Variants in TJP2 observed in about 807,000 individuals in gnomAD.
The protein encoded by TJP2 is tight junction protein 2, also known as Friedreich ataxia region gene X104 (tight junction protein ZO-2).
TJP2 carries 91 observed loss-of-function variants against 133.1 expected under a neutral mutation model. That is an observed-to-expected ratio of 0.68 (90% CI 0.58 to 0.81). The LOEUF is 0.81. Among genes scored for constraint, TJP2 ranks in the 40% least tolerant of loss-of-function variants. The pLI is 0.00. For synonymous variants in TJP2, 592 were observed against 583.4 expected (o/e 1.01, Z -0.21); for missense variants, 1,541 against 1,565.6 (o/e 0.98, Z 0.26).
chr9:69,204,823 T>G (rs1827270958), intron 1 of TJP2: 1 of 1,085,366 alleles, frequency 9.2e-7, no homozygotes, highest in Non-Finnish European at 1.1e-6. Context: ...AGTGTCTCAT[T>G]TACTCAATTC....
At chr9:69,147,811 T>A (rs1332303405) in intron 1 of TJP2, among the ~76,000 whole-genome samples, 1 of 152,186 alleles carries the variant, frequency 6.6e-6, no homozygotes, top group African/African-American at 2.4e-5. Flanking sequence ...AGAGAGAACG[T>A]TTCCTTAAGC....
At chr9:69,225,196 A>G in intron 5 of TJP2, 108 bp from the exon 6 acceptor site, 1 of 743,208 alleles carries the variant, frequency 1.3e-6, no homozygotes, top group Non-Finnish European at 2.3e-6. Context: ...AATTTCCCAT[A>G]TACAAAATTA....
At chr9:69,132,499 G>T (rs1386087475) in intron 1 of TJP2, among the ~76,000 whole-genome samples, 1 of 152,164 alleles carries the variant, frequency 6.6e-6, no homozygotes, top group Non-Finnish European at 1.5e-5. Context: ...GGAAGGAAGT[G>T]AACTGGGGTT....
chr9:69,175,248 T>C (rs1824993975), intron 1 of TJP2, among the ~76,000 whole-genome samples: 1 of 152,166 alleles, frequency 6.6e-6, no homozygotes, highest in South Asian at 2.1e-4. Context: ...GTAATGATGG[T>C]TGTGGTTTCC....
Position 69,208,979 on chromosome 9 carries a change from C to T in TJP2, c.61-3569C>T, listed in dbSNP as rs542864537. Among the ~76,000 whole-genome samples the T allele has an allele frequency of 6.6e-4, 100 of 152,166 alleles. No homozygotes were observed. In the South Asian group the frequency reaches 0.02, roughly 31 times the overall value. Reference sequence around the variant, plus strand: ...GAGAAGATGAGCTTGGAGAAGTGGGCATGCTCATAAGGTCATTTCTGGGTG... The same window carrying T: ...GAGAAGATGAGCTTGGAGAAGTGGGTATGCTCATAAGGTCATTTCTGGGTG... On this transcript the variant is annotated intron_variant, in intron 1 of 22. Coordinates refer to ENST00000377245, the MANE Select transcript of TJP2 (RefSeq NM_004817.4).
chr9:69,209,764 CAAAA>C (rs1183422883), intron 1 of TJP2, among the ~76,000 whole-genome samples: 10 of 144,910 alleles, frequency 6.9e-5, no homozygotes, highest in Admixed American at 4.1e-4. Flanking sequence ...AAAAAAAAAA[CAAAA>C]AAACTTTTTA....
chr9:69,167,575 C>T (rs1183676522), intron 2 of TJP2, among the ~76,000 whole-genome samples: 1 of 152,242 alleles, frequency 6.6e-6, no homozygotes, highest in East Asian at 1.9e-4. Context: ...AGAATGTCTA[C>T]CTGGCCTGGT....
In TJP2 at chr9:69,225,289, G is replaced by A; in HGVS notation, c.953-15G>A. The A allele has an allele frequency of 1.9e-6, 3 of 1,538,458 alleles. No individual in the cohort carries two copies. Among genetic ancestry groups the A allele is most frequent in the Non-Finnish European group, 2.7e-6 (3 of 1,111,754 alleles). On this transcript the variant is annotated splice_polypyrimidine_tract_variant and intron_variant, in intron 5 of 22. Coordinates refer to ENST00000377245, the MANE Select transcript of TJP2 (RefSeq NM_004817.4). ...ATTGATAACATACGTGTATGTTTAT[G>A]TGTTTGTCTCCTAGAGTATGGTCTC... is the stretch of plus-strand genomic sequence containing the variant.
At chr9:69,232,956 G>A (rs1829901509) in intron 11 of TJP2, among the ~76,000 whole-genome samples, 1 of 152,132 alleles carries the variant, frequency 6.6e-6, no homozygotes, top group Non-Finnish European at 1.5e-5. Flanking sequence ...GGACTCCCAA[G>A]GTCCTCCCAC....
At chr9:69,208,224 A>G (rs1479123380) in intron 1 of TJP2, among the ~76,000 whole-genome samples, 3 of 152,184 alleles carry the variant, frequency 2.0e-5, no homozygotes, top group African/African-American at 7.2e-5. Flanking sequence ...TTCCTTTACA[A>G]TTAAGATTTT....
intron 1 of TJP2, among the ~76,000 whole-genome samples, chr9:69,129,533 A>G (rs1822397014): frequency 6.6e-6 from 1 of 152,172 alleles, no homozygotes; most frequent in Non-Finnish European, 1.5e-5. Flanking sequence ...AAACCCCGTC[A>G]ATTCTACTTA....
intron 2 of TJP2, among the ~76,000 whole-genome samples, chr9:69,162,164 A>T (rs973716042): frequency 6.7e-6 from 1 of 148,150 alleles, no homozygotes; most frequent in Non-Finnish European, 1.5e-5. Flanking sequence ...TATATATTAT[A>T]TATATACATA....
intron 1 of TJP2, among the ~76,000 whole-genome samples, chr9:69,201,604 C>T (rs1826998864): frequency 6.6e-6 from 1 of 151,980 alleles, no homozygotes; most frequent in Non-Finnish European, 1.5e-5. Flanking sequence ...TGCACTTGGT[C>T]GACATTTGTT....
At chr9:69,247,368 C>T (rs1054471238) in intron 18 of TJP2, among the ~76,000 whole-genome samples, 3 of 152,152 alleles carry the variant, frequency 2.0e-5, no homozygotes, top group Non-Finnish European at 4.4e-5. Context: ...GATTCTATTA[C>T]CTGTGGCCGC....
intron 1 of TJP2, among the ~76,000 whole-genome samples, chr9:69,128,719 G>C (rs932867088): frequency 8.6e-5 from 13 of 152,024 alleles, no homozygotes; most frequent in African/African-American, 2.9e-4. Flanking sequence ...GTAGAGACGG[G>C]GTTTCATCGT....
intron 1 of TJP2, among the ~76,000 whole-genome samples, chr9:69,122,876 A>C (rs554971748): frequency 2.0e-5 from 3 of 152,286 alleles, no homozygotes; most frequent in South Asian, 4.1e-4. Flanking sequence ...TAACCAATCC[A>C]CTTGAGAGAT....
chr9:69,207,278 T>A (rs1189296695), intron 1 of TJP2, among the ~76,000 whole-genome samples: 1 of 152,228 alleles, frequency 6.6e-6, no homozygotes, highest in Non-Finnish European at 1.5e-5. Flanking sequence ...TAAAACATTG[T>A]TTTTTGAGCT....
At chr9:69,181,128 A>T (rs1212444807) in intron 1 of TJP2, among the ~76,000 whole-genome samples, 1 of 152,224 alleles carries the variant, frequency 6.6e-6, no homozygotes, top group Admixed American at 6.5e-5. Flanking sequence ...TTGTCCAAAA[A>T]AAATTATAGA....
chr9:69,246,216 G>T lies in TJP2; in HGVS notation c.2567-474G>T, dbSNP rs116494218. ...CATCTGTGGATTTTGGTATCCAAGT[G>T]GGGGGTGTCCCGGAACCAATCCTCT... On this transcript the variant is annotated intron_variant, in intron 17 of 22. Coordinates refer to ENST00000377245, the MANE Select transcript of TJP2 (RefSeq NM_004817.4). 1,178 of 198,084 alleles carry T rather than the reference G, an allele frequency of 5.9e-3. 21 individuals carry two copies. Among genetic ancestry groups the T allele is most frequent in the African/African-American group, 0.026 (1,109 of 42,872 alleles). The allele number at this position is 198,084 out of a possible 1,614,324, so 12.3% of individuals were successfully genotyped here. A position where few individuals can be genotyped will look rare whatever the true frequency, so the allele number is the denominator to read the frequency against.
Sources: gnomAD v4.1 joint callset for allele counts (sites outside exome capture counted in the v4.1 genomes callset) on GRCh38, gnomAD v4.1.1 for gene constraint, MANE v1.5 for transcripts, NCBI Gene and HGNC (gene_info 2026-07-23, HGNC 2026-07-21) for gene names.